Variants in ARFIP1 observed in about 807,000 individuals in gnomAD.
ARFIP1 encodes the protein arfaptin-1.
A neutral mutation model predicts 42.5 loss-of-function variants in ARFIP1; 24 were observed. That is an observed-to-expected ratio of 0.57 (90% CI 0.41 to 0.80). The LOEUF is 0.80. Ranked by LOEUF, ARFIP1 falls within the 30% of genes least tolerant of loss-of-function variation. The pLI is 0.00. For missense variants in ARFIP1, 354 were observed against 434.0 expected, an observed-to-expected ratio of 0.82 and a Z score of 1.64; for synonymous variants, 141 against 153.7, an observed-to-expected ratio of 0.92 and a Z score of 0.61.
At chr4:152,889,995 T>TAA (rs1736709116) in intron 8 of ARFIP1, among the ~76,000 whole-genome samples, 1 of 148,402 alleles carries the variant, frequency 6.7e-6, no homozygotes, top group Non-Finnish European at 1.5e-5. Flanking sequence ...GTCATATATA[T>TAA]AATGGATGTG....
intron 8 of ARFIP1, among the ~76,000 whole-genome samples, chr4:152,893,876 C>T (rs961407780): frequency 6.6e-6 from 1 of 152,026 alleles, no homozygotes; most frequent in East Asian, 1.9e-4. Flanking sequence ...GTTGTTTTCA[C>T]TCACAGTGTT....
intron 1 of ARFIP1, among the ~76,000 whole-genome samples, chr4:152,787,015 A>T (rs1455868966): frequency 6.6e-6 from 1 of 152,170 alleles, no homozygotes; most frequent in African/African-American, 2.4e-5. Context: ...GCAGTTTGCA[A>T]TTTACATTTA....
intron 1 of ARFIP1, chr4:152,796,591 T>G: frequency 1.2e-6 from 1 of 854,280 alleles, no homozygotes; most frequent in East Asian, 2.4e-5. Context: ...TACTGCTCCC[T>G]GTGGAATCTT....
chr4:152,857,722 C>T (rs1733555377), intron 2 of ARFIP1, among the ~76,000 whole-genome samples: 1 of 152,198 alleles, frequency 6.6e-6, no homozygotes, highest in Non-Finnish European at 1.5e-5. Flanking sequence ...CCAAATACTG[C>T]ATCTGAAGTG....
chr4:152,844,887 A>G (rs1732409260), intron 2 of ARFIP1, among the ~76,000 whole-genome samples: 1 of 152,174 alleles, frequency 6.6e-6, no homozygotes, highest in African/African-American at 2.4e-5. Context: ...TAGAACCAAA[A>G]AAAGAGTCCA....
chr4:152,910,555 G>A lies in ARFIP1; in HGVS notation c.*336G>A, dbSNP rs1432583090. ...ATTCAAGGTTTTTGGTCCTGGAAAT[G>A]AGGGCCGATTGTAACTTTTCCAAAG... On this transcript the variant is annotated 3_prime_UTR_variant, in exon 9 of 9. Coordinates refer to ENST00000353617, the MANE Select transcript of ARFIP1 (RefSeq NM_001025595.3). The A allele has an allele frequency of 5.7e-6, 1 of 174,380 alleles. No homozygotes were observed. Among genetic ancestry groups the A allele is most frequent in the Non-Finnish European group, 1.2e-5 (1 of 82,956 alleles). The allele number at this position is 174,380 out of a possible 1,614,324, so 10.8% of individuals were successfully genotyped here. A position where few individuals can be genotyped will look rare whatever the true frequency, so the allele number is the denominator to read the frequency against.
At chr4:152,909,942 A>C in intron 8 of ARFIP1, 122 bp from the exon 9 acceptor site, 1 of 1,289,020 alleles carries the variant, frequency 7.8e-7, no homozygotes, top group Non-Finnish European at 1.1e-6. Context: ...ATACTTGGTC[A>C]TTATTAAGCC....
At chr4:152,822,853 T>C (rs1276014700) in intron 1 of ARFIP1, among the ~76,000 whole-genome samples, 2 of 152,178 alleles carry the variant, frequency 1.3e-5, no homozygotes, top group African/African-American at 4.8e-5. Context: ...TAAAAAATTT[T>C]TGCAGTGAAT....
At chr4:152,864,489 T>TC (rs896306715) in intron 3 of ARFIP1, among the ~76,000 whole-genome samples, 8 of 152,216 alleles carry the variant, frequency 5.3e-5, no homozygotes, top group Non-Finnish European at 1.0e-4. Context: ...AAGAGTCTTC[T>TC]CCCAGCTTAA....
intron 1 of ARFIP1, among the ~76,000 whole-genome samples, chr4:152,821,925 T>A (rs1476642300): frequency 6.6e-6 from 1 of 152,188 alleles, no homozygotes; most frequent in Non-Finnish European, 1.5e-5. Flanking sequence ...CCAAGGGAAT[T>A]TGTCAATACT....
chr4:152,873,873 A>T (rs1735101160), intron 5 of ARFIP1, among the ~76,000 whole-genome samples: 1 of 151,600 alleles, frequency 6.6e-6, no homozygotes, highest in Non-Finnish European at 1.5e-5. Context: ...TACCTTTCCC[A>T]CTCTGTCTCT....
chr4:152,789,429 A>G (rs1269432073), intron 1 of ARFIP1, among the ~76,000 whole-genome samples: 1 of 152,176 alleles, frequency 6.6e-6, no homozygotes, highest in Non-Finnish European at 1.5e-5. Context: ...CATTGATATT[A>G]ACCTTGACTA....
intron 1 of ARFIP1, among the ~76,000 whole-genome samples, chr4:152,795,902 C>G (rs1282371716): frequency 1.0e-5 from 1 of 97,418 alleles, no homozygotes; most frequent in Non-Finnish European, 2.0e-5. Context: ...TCCTTTTTCC[C>G]TTTGTTTTGT....
intron 5 of ARFIP1, among the ~76,000 whole-genome samples, chr4:152,875,827 G>T (rs1409303257): frequency 1.3e-5 from 2 of 151,586 alleles, no homozygotes; most frequent in African/African-American, 4.9e-5. Flanking sequence ...CCCATGAGTT[G>T]TGGGAGGGAC....
chr4:152,857,776 A>G (rs1353133826), intron 2 of ARFIP1, among the ~76,000 whole-genome samples: 2 of 152,184 alleles, frequency 1.3e-5, no homozygotes, highest in Non-Finnish European at 2.9e-5. Context: ...TCCTGCCTTT[A>G]AAAACAAAAA....
intron 2 of ARFIP1, among the ~76,000 whole-genome samples, chr4:152,839,555 G>C (rs958398896): frequency 2.4e-4 from 37 of 152,224 alleles, no homozygotes; most frequent in African/African-American, 8.4e-4. Flanking sequence ...AGATTTTCTA[G>C]TTTATGTGTG....
chr4:152,812,500 C>A (rs911475017), intron 1 of ARFIP1, among the ~76,000 whole-genome samples: 6 of 152,208 alleles, frequency 3.9e-5, no homozygotes, highest in African/African-American at 1.4e-4. Flanking sequence ...CCTTCTCTTC[C>A]TTTTAATGTT....
intron 1 of ARFIP1, among the ~76,000 whole-genome samples, chr4:152,799,212 A>T (rs1238116723): frequency 1.6e-5 from 2 of 127,192 alleles, no homozygotes; most frequent in African/African-American, 5.1e-5. Flanking sequence ...GCCTGTTGTA[A>T]TGAATAGATA....
chr4:152,825,569 C>A (rs1730768405), intron 1 of ARFIP1, among the ~76,000 whole-genome samples: 1 of 152,068 alleles, frequency 6.6e-6, no homozygotes, highest in South Asian at 2.1e-4. Flanking sequence ...GACTTAAGAT[C>A]TGAAACCATA....
Sources: allele counts gnomAD v4.1 joint callset (sites outside exome capture counted in the v4.1 genomes callset), GRCh38; gene constraint gnomAD v4.1.1; transcripts MANE v1.5; gene names NCBI Gene and HGNC (gene_info 2026-07-23, HGNC 2026-07-21).